KHDRBS3: variants seen among roughly 807,000 people sequenced by gnomAD.
The protein encoded by KHDRBS3 is KH RNA binding domain containing, signal transduction associated 3.
In KHDRBS3, 23 loss-of-function variants were observed where a neutral mutation model predicts 45.6. That is an observed-to-expected ratio of 0.50 (90% CI 0.36 to 0.72). KHDRBS3 has a LOEUF of 0.72. Ranked by LOEUF, KHDRBS3 falls within the 30% of genes least tolerant of loss-of-function variation. KHDRBS3 has a pLI of 0.00. For synonymous variants in KHDRBS3, 162 were observed against 156.5 expected, an observed-to-expected ratio of 1.04 and a Z score of -0.26; for missense variants, 352 against 424.8, an observed-to-expected ratio of 0.83 and a Z score of 1.51.
intron 6 of KHDRBS3, among the ~76,000 whole-genome samples, chr8:135,590,510 G>T (rs1828698401): frequency 6.6e-6 from 1 of 152,188 alleles, no homozygotes. Context: ...TAAAAAGTCT[G>T]CAGCGGTTTG....
At chr8:135,538,852 T>TC (rs1300456083) in intron 2 of KHDRBS3, 1 of 152,158 alleles carries the variant, frequency 6.6e-6, no homozygotes, top group Non-Finnish European at 1.5e-5. Flanking sequence ...ACATACTCAG[T>TC]CCATCTATTA....
At chr8:135,537,372 G>GA (rs1825833976) in intron 2 of KHDRBS3, among the ~76,000 whole-genome samples, 1 of 152,186 alleles carries the variant, frequency 6.6e-6, no homozygotes, top group Non-Finnish European at 1.5e-5. Flanking sequence ...AGTTGTTTAT[G>GA]AAATGACAGC....
chr8:135,480,508 T>A (rs889232308), intron 1 of KHDRBS3, among the ~76,000 whole-genome samples: 2 of 152,158 alleles, frequency 1.3e-5, no homozygotes, highest in Non-Finnish European at 2.9e-5. Flanking sequence ...CTTTACTGGA[T>A]TATAAGTTTC....
chr8:135,474,854 C>A (rs376396336), intron 1 of KHDRBS3, among the ~76,000 whole-genome samples: 8 of 152,168 alleles, frequency 5.3e-5, no homozygotes, highest in African/African-American at 1.9e-4. Context: ...GTGGCTCCCA[C>A]TGGGCTCATG....
intron 6 of KHDRBS3, among the ~76,000 whole-genome samples, chr8:135,604,253 AG>A (rs1829349711): frequency 6.6e-6 from 1 of 151,656 alleles, no homozygotes; most frequent in African/African-American, 2.4e-5. Context: ...GTACTCTTTT[AG>A]TTACTATTTT....
intron 1 of KHDRBS3, among the ~76,000 whole-genome samples, chr8:135,511,409 T>G (rs2130582630): frequency 6.6e-6 from 1 of 152,312 alleles, no homozygotes; most frequent in African/African-American, 2.4e-5. Context: ...CTCATTATTA[T>G]TCTTCCTTTC....
At chr8:135,614,328 C>T (rs1383188292) in intron 7 of KHDRBS3, among the ~76,000 whole-genome samples, 1 of 151,786 alleles carries the variant, frequency 6.6e-6, no homozygotes, top group Non-Finnish European at 1.5e-5. Context: ...TCCTCTGCCC[C>T]GACATGGCTT....
intron 7 of KHDRBS3, among the ~76,000 whole-genome samples, chr8:135,627,236 C>T (rs953286660): frequency 2.0e-5 from 3 of 152,178 alleles, no homozygotes; most frequent in Admixed American, 6.5e-5. Flanking sequence ...CCTTCTCTTC[C>T]GCACTCCTTC....
chr8:135,494,407 T>A (rs1823324484), intron 1 of KHDRBS3, among the ~76,000 whole-genome samples: 1 of 151,116 alleles, frequency 6.6e-6, no homozygotes, highest in Non-Finnish European at 1.5e-5. Flanking sequence ...GCCTCCTGAG[T>A]AGCTGGGGCT....
intron 1 of KHDRBS3, among the ~76,000 whole-genome samples, chr8:135,471,485 T>C (rs1386666210): frequency 6.6e-6 from 1 of 152,230 alleles, no homozygotes. Context: ...TTATCCCTGC[T>C]TAAAGAGTGT....
At chr8:135,627,132 T>C (rs1442878271) in intron 7 of KHDRBS3, among the ~76,000 whole-genome samples, 2 of 152,140 alleles carry the variant, frequency 1.3e-5, no homozygotes, top group Admixed American at 1.3e-4. Context: ...TCAATCAAAT[T>C]AGATGTTTTA....
chr8:135,573,540 A>G (rs929490765), intron 5 of KHDRBS3, among the ~76,000 whole-genome samples: 2 of 152,326 alleles, frequency 1.3e-5, no homozygotes, highest in South Asian at 2.1e-4. Context: ...CTATTCTGCC[A>G]TAGGATTTAT....
chr8:135,609,219 CACAAAT>C (rs1829606982), intron 7 of KHDRBS3, among the ~76,000 whole-genome samples: 1 of 152,156 alleles, frequency 6.6e-6, no homozygotes, highest in South Asian at 2.1e-4. Flanking sequence ...TAGCTTAAAA[CACAAAT>C]ACATTGTACA....
At chr8:135,578,161 A>G (rs1828034202) in intron 5 of KHDRBS3, among the ~76,000 whole-genome samples, 2 of 152,074 alleles carry the variant, frequency 1.3e-5, no homozygotes, top group South Asian at 2.1e-4. Flanking sequence ...ATGTTTCCCA[A>G]ATATTTTCTT....
At chr8:135,554,564 T>C (rs1296398339) in intron 4 of KHDRBS3, among the ~76,000 whole-genome samples, 1 of 152,170 alleles carries the variant, frequency 6.6e-6, no homozygotes, top group African/African-American at 2.4e-5. Flanking sequence ...TCACAATACC[T>C]GAAATAAGTC....
chr8:135,580,954 T>C (rs1828177117), intron 5 of KHDRBS3, among the ~76,000 whole-genome samples: 1 of 152,220 alleles, frequency 6.6e-6, no homozygotes, highest in Non-Finnish European at 1.5e-5. Context: ...GGGCTTTTTT[T>C]TTCTCTTTAG....
chr8:135,618,850 G>A (rs1374751161), intron 7 of KHDRBS3, among the ~76,000 whole-genome samples: 1 of 152,164 alleles, frequency 6.6e-6, no homozygotes, highest in African/African-American at 2.4e-5. Flanking sequence ...TTAGTGTGGA[G>A]CCTGGCACGT....
chr8:135,508,926 ATATT>A (rs1183678075), intron 1 of KHDRBS3, among the ~76,000 whole-genome samples: 3 of 152,102 alleles, frequency 2.0e-5, no homozygotes, highest in Admixed American at 6.5e-5. Context: ...GTTTCCGTAA[ATATT>A]TATTTCAGAA....
chr8:135,490,806 G>T (rs1347103212), intron 1 of KHDRBS3, among the ~76,000 whole-genome samples: 1 of 152,186 alleles, frequency 6.6e-6, no homozygotes, highest in Non-Finnish European at 1.5e-5. Context: ...TAGCTTGAAT[G>T]TGGAGTCAGT....
Sources: allele counts gnomAD v4.1 joint callset (sites outside exome capture counted in the v4.1 genomes callset), GRCh38; gene constraint gnomAD v4.1.1; transcripts MANE v1.5; gene names NCBI Gene and HGNC (gene_info 2026-07-23, HGNC 2026-07-21).